The following NOC4L variants were observed in gnomAD, a reference collection of about 807,000 sequenced individuals.
The protein encoded by NOC4L is nucleolar complex associated 4 homolog.
NOC4L carries 40 observed loss-of-function variants against 62.8 expected under a neutral mutation model. The observed-to-expected ratio is 0.64, with a 90% CI of 0.49 to 0.83. NOC4L has a LOEUF of 0.83. Among genes scored for constraint, NOC4L ranks in the 40% least tolerant of loss-of-function variants. NOC4L has a pLI of 0.00. For synonymous variants in NOC4L, 433 were observed against 299.8 expected, an observed-to-expected ratio of 1.44 and a Z score of -4.59; for missense variants, 927 against 701.9, an observed-to-expected ratio of 1.32 and a Z score of -3.62.
chr12:132,147,206 C>G, intron 3 of NOC4L, 75 bp from the exon 4 acceptor site: 1 of 1,169,804 alleles, frequency 8.5e-7, no homozygotes, highest in African/African-American at 1.6e-5. Flanking sequence ...GGGAGGGGCT[C>G]CCTGACTGGG....
At chr12:132,147,504 C>A in intron 4 of NOC4L, 116 bp downstream of exon 4, 4 of 1,441,326 alleles carry the variant, frequency 2.8e-6, no homozygotes, top group Non-Finnish European at 2.8e-6. Context: ...TGGGACACTC[C>A]TGTGGCTCCT....
chr12:132,148,231 T>C (rs936820316), intron 7 of NOC4L, 125 bp downstream of exon 7: 8 of 962,850 alleles, frequency 8.3e-6, no homozygotes, highest in Admixed American at 6.8e-5. Flanking sequence ...AGGTGGCAGC[T>C]TGCACGGCCA....
chr12:132,152,343 C>G lies in NOC4L; in HGVS notation c.1493C>G (p.Ala498Gly). 2 of 1,570,022 alleles carry G rather than the reference C, an allele frequency of 1.3e-6. No individual in the cohort carries two copies. The highest frequency in any genetic ancestry group is 1.7e-6 in the Non-Finnish European group (2 of 1,156,840). ...CCGGTGCCACTGGAGTTTATCCCAG[C>G]CCAGGGCCTGCTGGGACGGCCGGGT... ...PEPVPLEFIP[A>G]QGLLGRPGEL... The change falls in exon 15 of 15, where the codon GCC (alanine) becomes GGC (glycine). Residue 498 changes from alanine (A) to glycine (G), a missense_variant. Transcript: ENST00000330579.
intron 3 of NOC4L, among the ~76,000 whole-genome samples, 196 bp from the exon 4 acceptor site, chr12:132,147,085 G>A (rs1200315959): frequency 6.6e-6 from 1 of 152,222 alleles, no homozygotes; most frequent in Non-Finnish European, 1.5e-5. Context: ...TTTAACTAGA[G>A]ATCTTGTCAT....
chr12:132,150,897 T>C, intron 9 of NOC4L, 84 bp from the exon 10 acceptor site: 1 of 1,011,278 alleles, frequency 9.9e-7, no homozygotes, highest in Admixed American at 2.0e-5. Context: ...GAGGCCACAC[T>C]CCACAGACTT....
chr12:132,145,662 C>A lies in NOC4L; in HGVS notation c.342C>A (p.Val114=). Residue 114 remains valine (V), a synonymous_variant, in exon 3 of 15, where the codon GTC becomes GTA. Transcript: ENST00000330579. ...TCCTGGGCCACCCCTCCTTTCAGGT[C>A]AAGGTGGGTCATTGGGCTGGCCTCA... The part of the protein sequence containing the change: ...GELLGHPSFQ[V]KELALSALLK... 1 of 1,608,926 alleles carries A rather than the reference C, an allele frequency of 6.2e-7. No homozygotes were observed. Among genetic ancestry groups the A allele is most frequent in the South Asian group, 1.1e-5 (1 of 90,852 alleles).
chr12:132,151,715 A>G, intron 12 of NOC4L, 23 bp from the exon 13 acceptor site: 2 of 1,612,144 alleles, frequency 1.2e-6, no homozygotes, highest in East Asian at 2.2e-5. Flanking sequence ...GACGGCAGAC[A>G]AGGGCCCACG....
At chr12:132,150,780 G>T in intron 9 of NOC4L, 1 of 432,420 alleles carries the variant, frequency 2.3e-6, no homozygotes, top group Non-Finnish European at 4.3e-6. Flanking sequence ...CCCCCACCCC[G>T]CAGCACCTCT....
chr12:132,147,440 C>G (rs1161238089), intron 4 of NOC4L, 52 bp downstream of exon 4: 2 of 1,514,110 alleles, frequency 1.3e-6, no homozygotes, highest in Non-Finnish European at 1.8e-6. Context: ...GGCCAGATCC[C>G]AGGATGGCCC....
chr12:132,148,291 C>G lies in NOC4L; in HGVS notation c.738+185C>G, dbSNP rs535966507. ...TGACGAGACCTGTGAACTCGGGACC[C>G]TCCCTTGGGTCAGAGGCCACCGCCG... On this transcript the variant is annotated intron_variant, in intron 7 of 14. Coordinates refer to ENST00000330579, the MANE Select transcript of NOC4L (RefSeq NM_024078.3). Among the ~76,000 whole-genome samples, 4 of 152,312 alleles carry G rather than the reference C, an allele frequency of 2.6e-5. No individual in the cohort carries two copies. In the East Asian group the frequency reaches 7.7e-4, roughly 29 times the overall value.
In NOC4L at chr12:132,151,245, C is replaced by G. The variant is rs1261604509; in HGVS notation, c.963-13C>G. 5.6e-6 allele frequency: 9 copies of G among 1,605,112 alleles called. No individual in the cohort carries two copies. Among genetic ancestry groups the G allele is most frequent in the Non-Finnish European group, 7.7e-6 (9 of 1,174,454 alleles). Reference sequence around the variant, plus strand: ...CCCTGCTCCATCCGCTGCTCCTTCCCCCCGGCCCGCAGGGAGTACCCTGAC... The same window carrying G: ...CCCTGCTCCATCCGCTGCTCCTTCCGCCCGGCCCGCAGGGAGTACCCTGAC... On this transcript the variant is annotated splice_polypyrimidine_tract_variant and intron_variant, in intron 10 of 14. Transcript: ENST00000330579.
At position 132,149,080 on chromosome 12, in the gene NOC4L, C is replaced by G. The variant is rs574252320; in HGVS notation, c.901+185C>G. Among the ~76,000 whole-genome samples the G allele has an allele frequency of 1.8e-3, 27 of 14,610 alleles. 1 individual carries two copies. The highest frequency in any genetic ancestry group is 9.2e-3 in the East Asian group (4 of 434). 9.6% of individuals were successfully genotyped at this position (14,610 alleles called of 152,430 possible). A position where few individuals can be genotyped will look rare whatever the true frequency, so the allele number is the denominator to read the frequency against. On this transcript the variant is annotated intron_variant, in intron 9 of 14. Coordinates refer to ENST00000330579, the MANE Select transcript of NOC4L (RefSeq NM_024078.3). ...CACCCCTAATCCCCTCGGTGAGTGC[C>G]GCCGCCTCACTCCTACCACACCCCT...
intron 4 of NOC4L, 78 bp downstream of exon 4, chr12:132,147,466 G>T (rs1897767520): frequency 2.1e-6 from 3 of 1,461,544 alleles, no homozygotes; most frequent in African/African-American, 1.4e-5. Flanking sequence ...TGGGGGCGGG[G>T]CCTGCTGAGC....
At chr12:132,145,201 C>T (rs1435131082) in intron 2 of NOC4L, among the ~76,000 whole-genome samples, 1 of 152,204 alleles carries the variant, frequency 6.6e-6, no homozygotes, top group Non-Finnish European at 1.5e-5. Flanking sequence ...TTTTTGTGTG[C>T]TTTGCACCCC....
At chr12:132,145,514 C>G in intron 2 of NOC4L, 45 bp from the exon 3 acceptor site, 1 of 1,309,060 alleles carries the variant, frequency 7.6e-7, no homozygotes, top group Non-Finnish European at 1.1e-6. Flanking sequence ...CCCAGGGTGG[C>G]GTATGTGGGC....
chr12:132,146,915 A>G (rs978356184), intron 3 of NOC4L, among the ~76,000 whole-genome samples: 2 of 152,062 alleles, frequency 1.3e-5, no homozygotes, highest in African/African-American at 4.8e-5. Context: ...TGAGTTGGGC[A>G]CCATGCTGGC....
Position 132,144,770 on chromosome 12 carries a change from G to T in NOC4L, c.118-84G>T, listed in dbSNP as rs912398108. The T allele has an allele frequency of 4.5e-5, 68 of 1,522,398 alleles. 1 individual carries two copies. In the South Asian group the frequency reaches 5.4e-4, roughly 12 times the overall value. 94.3% of individuals were successfully genotyped at this position (1,522,398 alleles called of 1,614,324 possible). ...GGTGACGGGGCTGGCGTCCCGAGGG[G>T]GAAGGGAACGGGTTGGGGGCAGCCT... On this transcript the variant is annotated intron_variant, in intron 1 of 14. Transcript: ENST00000330579.
intron 13 of NOC4L, 83 bp downstream of exon 13, chr12:132,151,903 C>T (rs911751868): frequency 1.4e-5 from 19 of 1,406,280 alleles, no homozygotes; most frequent in East Asian, 4.8e-5. Flanking sequence ...TGCCACCTCC[C>T]GCATAGCCTC....
At chr12:132,148,161 G>GTCTCACA in intron 7 of NOC4L, 55 bp downstream of exon 7, 3 of 1,581,282 alleles carry the variant, frequency 1.9e-6, no homozygotes, top group Non-Finnish European at 2.6e-6. Context: ...TGTGTGTGGG[G>GTCTCACA]TGCATGTGAG....
Sources: allele counts gnomAD v4.1 joint callset (sites outside exome capture counted in the v4.1 genomes callset), GRCh38; gene constraint gnomAD v4.1.1; transcripts MANE v1.5; gene names NCBI Gene and HGNC (gene_info 2026-07-23, HGNC 2026-07-21).